SH3BP2: variants seen among roughly 807,000 people sequenced by gnomAD.
SH3BP2 encodes SH3 domain-binding protein 2.
In SH3BP2, 38 loss-of-function variants were observed where a neutral mutation model predicts 56.2. The ratio of observed to expected loss-of-function variants is 0.68; its 90% CI spans 0.52 to 0.89. SH3BP2 has a LOEUF of 0.89. Among genes scored for constraint, SH3BP2 ranks in the 40% least tolerant of loss-of-function variants. The pLI is 0.00. For synonymous variants in SH3BP2, 346 were observed against 316.7 expected (o/e 1.09, Z -0.98); for missense variants, 748 against 762.6 (o/e 0.98, Z 0.23).
chr4:2,800,257 T>C (rs1426818898), intron 1 of SH3BP2, among the ~76,000 whole-genome samples: 1 of 152,068 alleles, frequency 6.6e-6, no homozygotes, highest in Non-Finnish European at 1.5e-5. Context: ...CCCTCCTCCT[T>C]GGCTGGCTTT....
intron 1 of SH3BP2, among the ~76,000 whole-genome samples, chr4:2,799,799 C>CG (rs1222120680): frequency 1.3e-5 from 2 of 152,060 alleles, no homozygotes; most frequent in Non-Finnish European, 2.9e-5. Context: ...CGGATCCCCC[C>CG]GGGGGGGCCT....
At position 2,810,516 on chromosome 4, in the gene SH3BP2, G is replaced by A. The variant is rs1270031767; in HGVS notation, c.-4-10098G>A. Among the ~76,000 whole-genome samples the A allele has an allele frequency of 1.3e-5, 2 of 151,826 alleles. No individual in the cohort carries two copies. Among genetic ancestry groups the A allele is most frequent in the African/African-American group, 2.4e-5 (1 of 41,236 alleles). On this transcript the variant is annotated intron_variant, in intron 1 of 12. Coordinates refer to ENST00000503393, the MANE Select transcript of SH3BP2 (RefSeq NM_001122681.2). This position sits in a 1 kb window ranked among gnomAD's most constrained non-coding sequence, Gnocchi z 4.2. Reference sequence around the variant, plus strand: ...CTTGCATTTGCCTGCCCAGTAAGGGGTGGCGTGTTCCTGAGAGCGCCGGCT... The same window carrying A: ...CTTGCATTTGCCTGCCCAGTAAGGGATGGCGTGTTCCTGAGAGCGCCGGCT...
chr4:2,797,804 G>A (rs942536603), intron 1 of SH3BP2, among the ~76,000 whole-genome samples: 1 of 152,306 alleles, frequency 6.6e-6, no homozygotes, highest in Admixed American at 6.5e-5. Context: ...GGAAGGGTGA[G>A]GGGAGTGCCG....
At chr4:2,822,414 G>A (rs993148920) in intron 2 of SH3BP2, among the ~76,000 whole-genome samples, 2 of 152,146 alleles carry the variant, frequency 1.3e-5, no homozygotes, top group Non-Finnish European at 2.9e-5. Flanking sequence ...TTGTCACCCA[G>A]GCTGGAGTGC....
intron 1 of SH3BP2, 133 bp from the exon 2 acceptor site, chr4:2,820,481 G>A (rs545835885): frequency 7.0e-6 from 8 of 1,143,868 alleles, no homozygotes; most frequent in Middle Eastern, 4.2e-4. Context: ...CTCAGAAAAG[G>A]GGTTTCCTTG....
chr4:2,827,619 C>T lies in SH3BP2; in HGVS notation c.531C>T (p.Asp177=), dbSNP rs143009181. The change falls in exon 7 of 13, where the codon GAC becomes GAT. Residue 177 remains aspartate, a synonymous_variant. Coordinates refer to ENST00000503393, the MANE Select transcript of SH3BP2 (RefSeq NM_001122681.2). ...YPTDNEDYEH[D]DEDDSYLEPD... ...CTCCCCATGCAGACTATGAGCACGA[C>T]GATGAGGATGACTCCTACCTGGAGC... 18 of 1,597,390 alleles carry T rather than the reference C, an allele frequency of 1.1e-5. No homozygotes were observed. The highest frequency in any genetic ancestry group is 6.7e-5 in the African/African-American group (5 of 74,652).
At chr4:2,796,502 G>C in intron 1 of SH3BP2, 1 of 967,060 alleles carries the variant, frequency 1.0e-6, no homozygotes, top group Non-Finnish European at 1.2e-6. Context: ...ATGGATTCCG[G>C]TCACATCTGG....
At chr4:2,813,482 C>T (rs1464731475) in intron 1 of SH3BP2, among the ~76,000 whole-genome samples, 1 of 152,216 alleles carries the variant, frequency 6.6e-6, no homozygotes, top group Non-Finnish European at 1.5e-5. Context: ...CCTCTATACC[C>T]AAGTCTGTAA....
chr4:2,823,614 T>C (rs1243647078), intron 3 of SH3BP2: 10 of 439,616 alleles, frequency 2.3e-5, no homozygotes, highest in Non-Finnish European at 4.6e-5. Context: ...GGGAGTGCAC[T>C]GGCACAGCCC....
At chr4:2,809,990 T>G (rs757909644) in intron 1 of SH3BP2, among the ~76,000 whole-genome samples, 1 of 152,226 alleles carries the variant, frequency 6.6e-6, no homozygotes, top group Non-Finnish European at 1.5e-5. Flanking sequence ...ACACACCCCC[T>G]GCTTGGATGC....
At chr4:2,819,731 C>T (rs936034373) in intron 1 of SH3BP2, among the ~76,000 whole-genome samples, 7 of 62,494 alleles carry the variant, frequency 1.1e-4, no homozygotes, top group Admixed American at 2.7e-4. Context: ...GAAGAGGGGA[C>T]TCTTAACCTG....
chr4:2,813,391 TG>T (rs1723849288), intron 1 of SH3BP2, among the ~76,000 whole-genome samples: 1 of 152,202 alleles, frequency 6.6e-6, no homozygotes, highest in Non-Finnish European at 1.5e-5. Flanking sequence ...TGTTGGATGA[TG>T]GGGCGATCAC....
At chr4:2,833,273 C>T (rs983440033) in intron 12 of SH3BP2, 59 of 624,236 alleles carry the variant, frequency 9.5e-5, no homozygotes, top group East Asian at 9.1e-4. Flanking sequence ...TGGGGATGGG[C>T]GGTCAGCCAT....
intron 7 of SH3BP2, among the ~76,000 whole-genome samples, chr4:2,827,959 A>G (rs572815263): frequency 2.6e-5 from 4 of 152,282 alleles, no homozygotes; most frequent in African/African-American, 9.6e-5. Flanking sequence ...ATGGGGAAGG[A>G]AGGACGCTGA....
chr4:2,827,548 T>G, intron 6 of SH3BP2, 58 bp from the exon 7 acceptor site: 1 of 1,528,798 alleles, frequency 6.5e-7, no homozygotes, highest in Non-Finnish European at 8.9e-7. Flanking sequence ...CATGGAGCAT[T>G]GCTCGGAGAC....
intron 1 of SH3BP2, among the ~76,000 whole-genome samples, chr4:2,819,400 T>A (rs1000595473): frequency 1.4e-4 from 22 of 152,088 alleles, no homozygotes; most frequent in African/African-American, 5.3e-4. Flanking sequence ...AAAAAAAAAT[T>A]TTTTTTTAGA....
At chr4:2,832,957 G>A in intron 11 of SH3BP2, 33 bp from the exon 12 acceptor site, 4 of 1,611,402 alleles carry the variant, frequency 2.5e-6, no homozygotes, top group Non-Finnish European at 3.4e-6. Context: ...CTGTTTCTCA[G>A]GGAGCCGTCA....
At position 2,830,035 on chromosome 4, in the gene SH3BP2, T is replaced by C. The variant is rs1244231150; in HGVS notation, c.1129T>C (p.Phe377Leu). 6 of 1,612,644 alleles carry C rather than the reference T, an allele frequency of 3.7e-6. No homozygotes were observed. The highest frequency in any genetic ancestry group is 5.1e-6 in the Non-Finnish European group (6 of 1,179,932). Residue 377 changes from phenylalanine to leucine, a missense_variant, in exon 8 of 13, where the codon TTT becomes CTT. Coordinates refer to ENST00000503393, the MANE Select transcript of SH3BP2 (RefSeq NM_001122681.2). ...PPREAAMPGL[F>L]VPPVAPRPPA... ...AAGGGAGGCAGCCATGCCCGGACTC[T>C]TTGTGCCCCCCGTGGCTCCCCGGCC...
chr4:2,805,160 A>G (rs2108705301), intron 1 of SH3BP2, among the ~76,000 whole-genome samples: 1 of 152,284 alleles, frequency 6.6e-6, no homozygotes, highest in South Asian at 2.1e-4. Context: ...TGCTTCCTCT[A>G]GATGAGGAAG....
Sources: allele counts gnomAD v4.1 joint callset (sites outside exome capture counted in the v4.1 genomes callset), GRCh38; gene constraint gnomAD v4.1.1; non-coding constraint Gnocchi (gnomAD v3.1); transcripts MANE v1.5; gene names NCBI Gene and HGNC (gene_info 2026-07-23, HGNC 2026-07-21).